Variants in TTC28 observed in about 807,000 individuals in gnomAD.
The protein encoded by TTC28 is tetratricopeptide repeat domain 28.
In TTC28, 61 loss-of-function variants were observed where a neutral mutation model predicts 198.0. The ratio of observed to expected loss-of-function variants is 0.31; its 90% CI spans 0.25 to 0.38. The LOEUF (loss-of-function observed/expected upper bound fraction) is 0.38, where lower values mean the gene tolerates loss of function less well. TTC28 is among the 10% of genes least tolerant of loss of function. The pLI is 1.00. For missense variants in TTC28, 2,678 were observed against 3,164.0 expected (o/e 0.85, Z 3.69); for synonymous variants, 1,171 against 1,297.8 (o/e 0.90, Z 2.10).
chr22:28,591,036 CACACATATATATATATAT>C (rs1396495874), intron 2 of TTC28, among the ~76,000 whole-genome samples: 229 of 29,278 alleles, frequency 7.8e-3, no homozygotes, highest in Admixed American at 0.023. Flanking sequence ...CACACACACA[CACACATATATATATATAT>C]ATATATATAT....
At chr22:28,445,861 TACACACACACAC>T (rs111302565) in intron 2 of TTC28, among the ~76,000 whole-genome samples, 2 of 146,762 alleles carry the variant, frequency 1.4e-5, no homozygotes, top group Non-Finnish European at 3.0e-5. Context: ...TACATATCTA[TACACACACACAC>T]ACACACACAC....
chr22:28,264,633 G>A (rs970057351), intron 5 of TTC28, among the ~76,000 whole-genome samples: 12 of 152,198 alleles, frequency 7.9e-5, no homozygotes, highest in South Asian at 4.1e-4. Context: ...ACGCACACAC[G>A]CATGCACGTG....
At chr22:28,226,285 C>T (rs990394599) in intron 5 of TTC28, among the ~76,000 whole-genome samples, 1 of 152,154 alleles carries the variant, frequency 6.6e-6, no homozygotes, top group African/African-American at 2.4e-5. Context: ...CTAGTTCTTC[C>T]ATATCCTTGT....
intron 6 of TTC28, among the ~76,000 whole-genome samples, chr22:28,147,670 T>C (rs1339394231): frequency 7.2e-5 from 11 of 152,230 alleles, no homozygotes; most frequent in Admixed American, 7.2e-4. Context: ...TTTGGGTTTT[T>C]GATTTCTAAA....
chr22:28,369,016 T>A (rs995422418), intron 2 of TTC28, among the ~76,000 whole-genome samples: 1 of 152,044 alleles, frequency 6.6e-6, no homozygotes, highest in East Asian at 1.9e-4. Context: ...ACCAATGGCA[T>A]TCTTCACAGA....
intron 1 of TTC28, among the ~76,000 whole-genome samples, chr22:28,640,685 T>G (rs1303781900): frequency 6.6e-6 from 1 of 152,026 alleles, no homozygotes; most frequent in Non-Finnish European, 1.5e-5. Flanking sequence ...TGACGGAAGC[T>G]GAAATAGCAC....
chr22:28,135,258 C>T (rs142978165), intron 6 of TTC28, among the ~76,000 whole-genome samples: 2 of 152,236 alleles, frequency 1.3e-5, no homozygotes, highest in East Asian at 3.9e-4. Context: ...GAACTCAACA[C>T]CAGTGAGCTC....
At chr22:28,417,191 C>G (rs535700158) in intron 2 of TTC28, among the ~76,000 whole-genome samples, 8 of 150,502 alleles carry the variant, frequency 5.3e-5, no homozygotes, top group African/African-American at 1.7e-4. Flanking sequence ...GGGTTTGAGA[C>G]CAGCCTAGGC....
chr22:28,087,925 GA>G lies in TTC28; in HGVS notation c.3932+6154del, dbSNP rs539375557. On this transcript the variant is annotated intron_variant, in intron 12 of 22. Coordinates refer to ENST00000397906, the MANE Select transcript of TTC28 (RefSeq NM_001145418.2). ...CTCTCATTCACAATTGCATCAAAGA[GA>G]ATAAAATACCTAGGAATCCAACTTA... Among the ~76,000 whole-genome samples the G allele has an allele frequency of 5.0e-3, 756 of 152,206 alleles. 4 individuals carry two copies. Among genetic ancestry groups the G allele is most frequent in the Non-Finnish European group, 7.1e-3 (485 of 68,002 alleles).
At chr22:28,429,283 G>A (rs1213000012) in intron 2 of TTC28, among the ~76,000 whole-genome samples, 1 of 152,122 alleles carries the variant, frequency 6.6e-6, no homozygotes, top group Non-Finnish European at 1.5e-5. Flanking sequence ...CTGCTGTACT[G>A]AAGCATGGCT....
At chr22:28,151,613 G>C (rs1451736260) in intron 6 of TTC28, among the ~76,000 whole-genome samples, 1 of 152,182 alleles carries the variant, frequency 6.6e-6, no homozygotes, top group East Asian at 1.9e-4. Flanking sequence ...GATAGGTGTG[G>C]GGCACAGCAC....
At chr22:28,448,607 T>A (rs1242589351) in intron 2 of TTC28, among the ~76,000 whole-genome samples, 1 of 152,204 alleles carries the variant, frequency 6.6e-6, no homozygotes, top group Non-Finnish European at 1.5e-5. Flanking sequence ...AGAAGTGTAT[T>A]TGACACCACA....
chr22:28,655,701 C>A (rs745626015), intron 1 of TTC28, among the ~76,000 whole-genome samples: 2 of 151,986 alleles, frequency 1.3e-5, no homozygotes, highest in African/African-American at 4.8e-5. Context: ...AATACAAAAA[C>A]TTAGCCAGGC....
intron 5 of TTC28, among the ~76,000 whole-genome samples, chr22:28,194,129 C>T (rs753157719): frequency 6.6e-6 from 1 of 152,140 alleles, no homozygotes; most frequent in African/African-American, 2.4e-5. Flanking sequence ...TTAAGAAACT[C>T]ACTCAAAACC....
chr22:28,049,907 C>A (rs1432263697), intron 12 of TTC28, among the ~76,000 whole-genome samples: 1 of 152,048 alleles, frequency 6.6e-6, no homozygotes, highest in Non-Finnish European at 1.5e-5. Flanking sequence ...TCCACTGGGC[C>A]TCTGAAACAA....
chr22:28,541,056 T>G (rs1051723702), intron 2 of TTC28, among the ~76,000 whole-genome samples: 10 of 152,212 alleles, frequency 6.6e-5, no homozygotes, highest in African/African-American at 2.4e-4. Context: ...CTTGATATAC[T>G]TGTTATTTAC....
intron 6 of TTC28, among the ~76,000 whole-genome samples, chr22:28,154,931 T>G (rs1456229156): frequency 1.3e-5 from 2 of 152,164 alleles, no homozygotes; most frequent in African/African-American, 2.4e-5. Context: ...CACAGGAAGC[T>G]TCTATTGTCC....
rs549493038 is a variant in TTC28 at position 28,653,338 on chromosome 22, T to C, written c.103-23508A>G. 7.9e-5 allele frequency among the ~76,000 whole-genome samples: 12 copies of C among 152,136 alleles called. No homozygotes were observed. In the East Asian group the frequency reaches 2.3e-3, roughly 29 times the overall value. On this transcript the variant is annotated intron_variant, in intron 1 of 22. Transcript: ENST00000397906. Reference sequence around the variant, plus strand: ...GGGTAACATGGCGAAACCCCATCTCTACTAAAAATACAAAAAATTGCCAGG... The same window carrying C: ...GGGTAACATGGCGAAACCCCATCTCCACTAAAAATACAAAAAATTGCCAGG...
chr22:28,590,265 C>A (rs894229599), intron 2 of TTC28, among the ~76,000 whole-genome samples: 1 of 151,268 alleles, frequency 6.6e-6, no homozygotes, highest in African/African-American at 2.4e-5. Flanking sequence ...GTAGCTGGGA[C>A]TACAGGCGCC....
Sources: allele counts gnomAD v4.1 joint callset (sites outside exome capture counted in the v4.1 genomes callset), GRCh38; gene constraint gnomAD v4.1.1; transcripts MANE v1.5; gene names NCBI Gene and HGNC (gene_info 2026-07-23, HGNC 2026-07-21).